Variants in NEGR1 observed in about 807,000 individuals in gnomAD.
The protein encoded by NEGR1 is IgLON family member 4.
A neutral mutation model predicts 40.9 loss-of-function variants in NEGR1; 10 were observed. The observed-to-expected ratio is 0.24, with a 90% CI of 0.15 to 0.42. The LOEUF (loss-of-function observed/expected upper bound fraction) is 0.42, where lower values mean the gene tolerates loss of function less well. Among genes scored for constraint, NEGR1 ranks in the 10% least tolerant of loss-of-function variants. The probability of loss-of-function intolerance (pLI) is 1.00; values close to 1 mark genes in which losing one functional copy is unlikely to be tolerated. For missense variants in NEGR1, 352 were observed against 438.9 expected (o/e 0.80, Z 1.77); for synonymous variants, 185 against 166.8 (o/e 1.11, Z -0.84).
chr1:72,027,138 G>A (rs934363598), intron 1 of NEGR1, among the ~76,000 whole-genome samples: 1 of 152,064 alleles, frequency 6.6e-6, no homozygotes, highest in Non-Finnish European at 1.5e-5. Context: ...GTGTTAGCCA[G>A]GATGGTCTCG....
chr1:72,215,244 C>T (rs1288185307), intron 1 of NEGR1, among the ~76,000 whole-genome samples: 1 of 152,024 alleles, frequency 6.6e-6, no homozygotes, highest in African/African-American at 2.4e-5. Context: ...AAATGTAAAA[C>T]CCCAAACCAT....
intron 1 of NEGR1, among the ~76,000 whole-genome samples, chr1:72,010,526 G>T (rs1471221642): frequency 6.6e-6 from 1 of 151,924 alleles, no homozygotes; most frequent in Non-Finnish European, 1.5e-5. Context: ...TGCCTTATGT[G>T]CAGTATACAA....
At chr1:72,110,503 G>C (rs1258933037) in intron 1 of NEGR1, among the ~76,000 whole-genome samples, 3 of 151,418 alleles carry the variant, frequency 2.0e-5, no homozygotes, top group African/African-American at 7.3e-5. Flanking sequence ...TGCTCTCTAA[G>C]GGATAAAATG....
chr1:71,873,384 T>C (rs1660335617), intron 2 of NEGR1, among the ~76,000 whole-genome samples: 1 of 152,086 alleles, frequency 6.6e-6, no homozygotes, highest in Non-Finnish European at 1.5e-5. Context: ...AGAAATTTTA[T>C]TGTGGCATGG....
At chr1:71,908,408 G>A (rs1661336286) in intron 2 of NEGR1, among the ~76,000 whole-genome samples, 1 of 151,126 alleles carries the variant, frequency 6.6e-6, no homozygotes, top group Non-Finnish European at 1.5e-5. Flanking sequence ...CAAATGTTCT[G>A]TCATTTAAAG....
chr1:71,669,048 T>C (rs902201558), intron 4 of NEGR1, among the ~76,000 whole-genome samples: 13 of 152,216 alleles, frequency 8.5e-5, no homozygotes, highest in Non-Finnish European at 1.8e-4. Context: ...ATTTATGCTT[T>C]ATATATTGCA....
At chr1:71,573,931 A>T (rs1648881138) in intron 6 of NEGR1, among the ~76,000 whole-genome samples, 2 of 152,118 alleles carry the variant, frequency 1.3e-5, no homozygotes, top group African/African-American at 4.8e-5. Flanking sequence ...ATCTCTATAT[A>T]TCTGCAGATT....
intron 1 of NEGR1, among the ~76,000 whole-genome samples, chr1:72,281,253 CAG>C (rs143520431): frequency 0.071 from 10,818 of 152,088 alleles, 1,302 homozygotes; most frequent in African/African-American, 0.25. Flanking sequence ...GAAGCAGAGA[CAG>C]AGTGAGAGCA....
intron 6 of NEGR1, among the ~76,000 whole-genome samples, chr1:71,503,075 T>C (rs902349627): frequency 2.0e-5 from 3 of 152,154 alleles, no homozygotes; most frequent in African/African-American, 7.2e-5. Context: ...GGATAGTCTG[T>C]TGGGGAGAAT....
intron 6 of NEGR1, among the ~76,000 whole-genome samples, chr1:71,570,519 T>C (rs1332605119): frequency 6.6e-6 from 1 of 152,170 alleles, no homozygotes; most frequent in East Asian, 1.9e-4. Flanking sequence ...TAAGATGCAA[T>C]ACAAAATCAC....
intron 3 of NEGR1, among the ~76,000 whole-genome samples, chr1:71,732,343 A>C (rs901820734): frequency 7.2e-5 from 11 of 152,048 alleles, no homozygotes; most frequent in African/African-American, 2.4e-4. Flanking sequence ...AAACAACAAC[A>C]AAAAAACCCC....
At chr1:71,521,474 A>G (rs1266317379) in intron 6 of NEGR1, among the ~76,000 whole-genome samples, 1 of 152,018 alleles carries the variant, frequency 6.6e-6, no homozygotes, top group Non-Finnish European at 1.5e-5. Flanking sequence ...AGCCCTAAAC[A>G]TAATTGACTA....
intron 2 of NEGR1, among the ~76,000 whole-genome samples, chr1:71,884,408 A>C (rs1660668067): frequency 3.9e-5 from 6 of 152,186 alleles, no homozygotes; most frequent in Admixed American, 2.6e-4. Flanking sequence ...ATCACTGTAC[A>C]TGTAGATCAT....
At chr1:72,226,515 T>C (rs931887119) in intron 1 of NEGR1, among the ~76,000 whole-genome samples, 14 of 152,018 alleles carry the variant, frequency 9.2e-5, no homozygotes, top group African/African-American at 2.4e-4. Flanking sequence ...GCAAATATTA[T>C]AGCCTTCAAT....
At chr1:71,930,833 G>C (rs1385926167) in intron 2 of NEGR1, among the ~76,000 whole-genome samples, 1 of 152,134 alleles carries the variant, frequency 6.6e-6, no homozygotes, top group East Asian at 1.9e-4. Context: ...AATGGAGTCT[G>C]GACAATAGCC....
intron 1 of NEGR1, among the ~76,000 whole-genome samples, chr1:72,094,254 A>G (rs1253368000): frequency 6.6e-6 from 1 of 152,210 alleles, no homozygotes; most frequent in East Asian, 1.9e-4. Context: ...ACTATGTCAT[A>G]AAAGAAAATG....
chr1:72,093,995 A>C lies in NEGR1; in HGVS notation c.177-158684T>G, dbSNP rs778541506. 2.2e-4 allele frequency among the ~76,000 whole-genome samples: 33 copies of C among 152,192 alleles called. 1 individual carries two copies. Among genetic ancestry groups the C allele is most frequent in the Admixed American group, 4.6e-4 (7 of 15,276 alleles). ...ATGTGTTGCTTAATGGTCAATAATA[A>C]TAAGGCATCCAGAAGTAAGTATTTT... On this transcript the variant is annotated intron_variant, in intron 1 of 6. Coordinates refer to ENST00000357731, the MANE Select transcript of NEGR1 (RefSeq NM_173808.3).
intron 1 of NEGR1, among the ~76,000 whole-genome samples, chr1:72,099,585 C>A (rs530897466): frequency 5.3e-5 from 8 of 152,052 alleles, no homozygotes; most frequent in Admixed American, 3.3e-4. Context: ...ACTTATCACT[C>A]GCTCTGGTCC....
At chr1:71,597,277 T>C (rs563613278) in intron 5 of NEGR1, among the ~76,000 whole-genome samples, 5 of 152,096 alleles carry the variant, frequency 3.3e-5, no homozygotes, top group African/African-American at 9.6e-5. Context: ...TTAGGAACCA[T>C]AGAGGAAAAT....
Sources: gnomAD v4.1 joint callset for allele counts (sites outside exome capture counted in the v4.1 genomes callset) on GRCh38, gnomAD v4.1.1 for gene constraint, MANE v1.5 for transcripts, NCBI Gene and HGNC (gene_info 2026-07-23, HGNC 2026-07-21) for gene names.